Variants in ARHGAP39 observed in about 807,000 individuals in gnomAD.
ARHGAP39 encodes the protein Rho GTPase activating protein 39.
A neutral mutation model predicts 106.9 loss-of-function variants in ARHGAP39; 44 were observed. That is an observed-to-expected ratio of 0.41 (90% CI 0.32 to 0.53). The LOEUF (loss-of-function observed/expected upper bound fraction) is 0.53. Ranked by LOEUF, ARHGAP39 falls within the 20% of genes least tolerant of loss-of-function variation. ARHGAP39 has a pLI of 0.21. For synonymous variants in ARHGAP39, 768 were observed against 693.2 expected (o/e 1.11, Z -1.69); for missense variants, 1,496 against 1,577.3 (o/e 0.95, Z 0.87).
At position 144,530,561 on chromosome 8, in the gene ARHGAP39, G is replaced by A; in HGVS notation, c.3206C>T (p.Ala1069Val). Residue 1069 changes from alanine (A) to valine (V), a missense_variant, in exon 12 of 12, where the codon GCC (alanine) becomes GTC (valine). Physicochemically the swap from Ala to Val is moderately conservative, Grantham distance 64. This residue lies in a region of ARHGAP39 where 470 missense variants were observed against 605.1 expected (regional missense o/e 0.78). Transcript: ENST00000377307. ...CAAGCAGTTGGGCGCCATCACCATG[G>A]CCAGGTTGCTGACATCCATCTTGGT... ...AVTKMDVSNLAMVMAPNCLRC... is the reference protein window; with the variant it reads ...AVTKMDVSNLVMVMAPNCLRC... 1 of 1,611,536 alleles carries A rather than the reference G, an allele frequency of 6.2e-7. No homozygotes were observed. Among genetic ancestry groups the A allele is most frequent in the Non-Finnish European group, 8.5e-7 (1 of 1,179,546 alleles).
At chr8:144,607,816 C>G (rs1285015351) in intron 1 of ARHGAP39, among the ~76,000 whole-genome samples, 1 of 152,188 alleles carries the variant, frequency 6.6e-6, no homozygotes, top group African/African-American at 2.4e-5. Flanking sequence ...AATCTCCACA[C>G]AAGTATTTAT....
rs1421402572 is a variant in ARHGAP39, at chr8:144,604,285, T to C, written c.80+1250A>G. Among the ~76,000 whole-genome samples, 7 of 152,124 alleles carry C rather than the reference T, an allele frequency of 4.6e-5. No homozygotes were observed. Among genetic ancestry groups the C allele is most frequent in the Admixed American group, 4.6e-4 (7 of 15,274 alleles). ...GGTGAGGGGCAGATGGACAGCAGTG[T>C]CTGCAGATGCGGGGCCCGGGAGGAC... On this transcript the variant is annotated intron_variant, in intron 2 of 11. Coordinates refer to ENST00000377307, the MANE Select transcript of ARHGAP39 (RefSeq NM_025251.3). This position sits in a 1 kb window ranked among gnomAD's most constrained non-coding sequence, Gnocchi z 4.1.
At chr8:144,642,109 G>A (rs1056935187) in intron 1 of ARHGAP39, among the ~76,000 whole-genome samples, 5 of 152,172 alleles carry the variant, frequency 3.3e-5, no homozygotes, top group East Asian at 3.9e-4. Flanking sequence ...ATGCTGAGGC[G>A]GGCTGATTGC....
intron 2 of ARHGAP39, among the ~76,000 whole-genome samples, 167 bp from the exon 3 acceptor site, chr8:144,581,444 C>T (rs1818987162): frequency 6.6e-6 from 1 of 152,234 alleles, no homozygotes; most frequent in Non-Finnish European, 1.5e-5. Flanking sequence ...TCCTGAGCAC[C>T]CGCAACCGGG....
chr8:144,697,475 A>G, the ARHGAP39 span, among the ~76,000 whole-genome samples: 8 of 152,030 alleles, frequency 5.3e-5, no homozygotes, highest in African/African-American at 1.9e-4. Context: ...ATTGTATTCA[A>G]TGTTATTATT....
Position 144,647,818 on chromosome 8 carries a change from A to G in ARHGAP39, c.-82+37868T>C, listed in dbSNP as rs534392088. Among the ~76,000 whole-genome samples, 1 of 152,360 alleles carries G rather than the reference A, an allele frequency of 6.6e-6. No homozygotes were observed. Among genetic ancestry groups the G allele is most frequent in the Non-Finnish European group, 1.5e-5 (1 of 68,036 alleles). On this transcript the variant is annotated intron_variant, in intron 1 of 11. Transcript: ENST00000377307. This position sits in a 1 kb window ranked among gnomAD's most constrained non-coding sequence, Gnocchi z 4.8. Reference sequence around the variant, plus strand: ...AGGGAACCAGAGGGAACAATGGAGAACAGTGTTTCCAAGCAAAAGTGCACC... The same window carrying G: ...AGGGAACCAGAGGGAACAATGGAGAGCAGTGTTTCCAAGCAAAAGTGCACC...
At chr8:144,651,441 G>T (rs1022603234) in intron 1 of ARHGAP39, among the ~76,000 whole-genome samples, 1 of 152,096 alleles carries the variant, frequency 6.6e-6, no homozygotes, top group Non-Finnish European at 1.5e-5. Flanking sequence ...AGTGGCTCAC[G>T]CCTGTAATCC....
At chr8:144,622,638 T>C (rs976965689) in intron 1 of ARHGAP39, among the ~76,000 whole-genome samples, 2 of 152,220 alleles carry the variant, frequency 1.3e-5, no homozygotes, top group Admixed American at 6.5e-5. Context: ...GAGTAAACTA[T>C]GCAGCTTTGA....
At chr8:144,540,443 T>C (rs1444994951) in intron 6 of ARHGAP39, among the ~76,000 whole-genome samples, 1 of 152,178 alleles carries the variant, frequency 6.6e-6, no homozygotes, top group African/African-American at 2.4e-5. Flanking sequence ...TCTAAATAAA[T>C]AAATACATGC....
At chr8:144,578,643 T>C (rs1312807798) in intron 3 of ARHGAP39, among the ~76,000 whole-genome samples, 2 of 151,674 alleles carry the variant, frequency 1.3e-5, no homozygotes, top group African/African-American at 4.8e-5. Context: ...GGCTCAGGAG[T>C]TGGAGACCAG....
intron 8 of ARHGAP39, 115 bp from the exon 9 acceptor site, chr8:144,533,440 C>T: frequency 1.9e-6 from 2 of 1,042,402 alleles, no homozygotes; most frequent in African/African-American, 1.6e-5. Flanking sequence ...GAATTCCTGC[C>T]CCACACACCT....
intron 3 of ARHGAP39, among the ~76,000 whole-genome samples, chr8:144,579,985 G>A (rs183391345): frequency 2.6e-5 from 4 of 151,962 alleles, no homozygotes; most frequent in Admixed American, 6.5e-5. Flanking sequence ...TCCCTGCCTC[G>A]GCTCTTCCCC....
chr8:144,607,094 CAT>C (rs776986358), intron 1 of ARHGAP39, among the ~76,000 whole-genome samples: 8 of 151,240 alleles, frequency 5.3e-5, no homozygotes, highest in Non-Finnish European at 8.8e-5. Context: ...CCACATCAGA[CAT>C]ATTAAAAACT....
chr8:144,597,050 C>T (rs1352999568), intron 2 of ARHGAP39, among the ~76,000 whole-genome samples: 2 of 152,192 alleles, frequency 1.3e-5, no homozygotes, highest in African/African-American at 4.8e-5. Flanking sequence ...GGAGGAGCTG[C>T]GGGAACTCCC....
At chr8:144,617,691 C>G (rs1820675260) in intron 1 of ARHGAP39, among the ~76,000 whole-genome samples, 1 of 151,840 alleles carries the variant, frequency 6.6e-6, no homozygotes, top group African/African-American at 2.4e-5. Context: ...ATCATGGAAT[C>G]TTGCCTCTCA....
At chr8:144,617,693 T>G (rs1820675400) in intron 1 of ARHGAP39, among the ~76,000 whole-genome samples, 2 of 152,378 alleles carry the variant, frequency 1.3e-5, no homozygotes. Context: ...CATGGAATCT[T>G]GCCTCTCACC....
intron 6 of ARHGAP39, among the ~76,000 whole-genome samples, chr8:144,538,262 G>A (rs1317524345): frequency 6.6e-6 from 1 of 152,258 alleles, no homozygotes; most frequent in Non-Finnish European, 1.5e-5. Context: ...AGAGGAGGGG[G>A]CTCCCCTCAG....
chr8:144,667,086 T>C (rs1339584921), intron 1 of ARHGAP39, among the ~76,000 whole-genome samples: 1 of 152,248 alleles, frequency 6.6e-6, no homozygotes, highest in East Asian at 1.9e-4. Flanking sequence ...ATTCTAAATA[T>C]AAGAGTTCAG....
In ARHGAP39 at chr8:144,685,768, C is replaced by T. The variant is rs1822573757; in HGVS notation, c.-164G>A. On this transcript the variant is annotated 5_prime_UTR_variant, in exon 1 of 12. Coordinates refer to ENST00000377307, the MANE Select transcript of ARHGAP39 (RefSeq NM_025251.3). ...GCGTGAGCCAGCCGCCGCTCCCCGG[C>T]CTCTCTGCTGCTCCGCCGCTGCTGC... 2.7e-5 allele frequency among the ~76,000 whole-genome samples: 4 copies of T among 147,818 alleles called. No individual in the cohort carries two copies. Among genetic ancestry groups the T allele is most frequent in the Admixed American group, 2.0e-4 (3 of 14,896 alleles).
Sources: allele counts gnomAD v4.1 joint callset (sites outside exome capture counted in the v4.1 genomes callset), GRCh38; gene constraint gnomAD v4.1.1; regional missense constraint gnomAD v4.1.1; non-coding constraint Gnocchi (gnomAD v3.1); transcripts MANE v1.5; gene names NCBI Gene and HGNC (gene_info 2026-07-23, HGNC 2026-07-21).